TFDP2: variants seen among roughly 807,000 people sequenced by gnomAD.
TFDP2 encodes the protein transcription factor Dp-2 (E2F dimerization partner 2).
Under a neutral mutation model 59.3 loss-of-function variants are expected in TFDP2, and 17 were observed. That is an observed-to-expected ratio of 0.29 (90% CI 0.20 to 0.43). The LOEUF (loss-of-function observed/expected upper bound fraction) is 0.43, where lower values mean the gene tolerates loss of function less well. Ranked by LOEUF, TFDP2 falls within the 20% of genes least tolerant of loss-of-function variation. The probability of loss-of-function intolerance (pLI) is 1.00; values close to 1 mark genes in which losing one functional copy is unlikely to be tolerated. For synonymous variants in TFDP2, 180 were observed against 194.7 expected, an observed-to-expected ratio of 0.92 and a Z score of 0.63; for missense variants, 391 against 528.8, an observed-to-expected ratio of 0.74 and a Z score of 2.56.
chr3:142,004,440 C>T (rs1348477684), intron 4 of TFDP2, among the ~76,000 whole-genome samples: 5 of 152,058 alleles, frequency 3.3e-5, no homozygotes, highest in Admixed American at 2.0e-4. Flanking sequence ...ATGAAAACAC[C>T]GGCAATGAAG....
chr3:142,038,970 G>A (rs1946827968), intron 3 of TFDP2, among the ~76,000 whole-genome samples: 1 of 152,152 alleles, frequency 6.6e-6, no homozygotes, highest in East Asian at 1.9e-4. Flanking sequence ...CAACGGCACA[G>A]ACATGGCTAA....
intron 4 of TFDP2, among the ~76,000 whole-genome samples, chr3:142,004,382 T>C (rs1004242570): frequency 2.6e-5 from 4 of 152,236 alleles, no homozygotes; most frequent in African/African-American, 7.2e-5. Context: ...CACAGTGCTG[T>C]TGTACATTAT....
intron 2 of TFDP2, among the ~76,000 whole-genome samples, chr3:142,101,035 A>G (rs2061301173): frequency 6.6e-6 from 1 of 152,180 alleles, no homozygotes; most frequent in African/African-American, 2.4e-5. Flanking sequence ...GGAACAGTAA[A>G]GCAATTAGAC....
At position 141,973,967 on chromosome 3, in the gene TFDP2, T is replaced by C. The variant is rs527361529; in HGVS notation, c.663+81A>G. On this transcript the variant is annotated intron_variant, in intron 8 of 12. Coordinates refer to ENST00000489671, the MANE Select transcript of TFDP2 (RefSeq NM_001178139.2). ...CATGAAAAATTGGAAATATTTTATA[T>C]TAGAATTACATTTTTAAATTAAAAT... 5.5e-6 allele frequency: 8 copies of C among 1,451,368 alleles called. 1 individual carries two copies. In the South Asian group the frequency reaches 8.1e-5, roughly 15 times the overall value. 89.9% of individuals were successfully genotyped at this position (1,451,368 alleles called of 1,614,324 possible). A position where few individuals can be genotyped will look rare whatever the true frequency, so the allele number is the denominator to read the frequency against.
chr3:141,977,712 AT>A (rs201589027), intron 7 of TFDP2, among the ~76,000 whole-genome samples: 11,475 of 150,014 alleles, frequency 0.076, 521 homozygotes, highest in Non-Finnish European at 0.11. Flanking sequence ...TAGGCGACCA[AT>A]TTTTTTTTTC....
intron 3 of TFDP2, among the ~76,000 whole-genome samples, chr3:142,062,340 C>A (rs1342248604): frequency 6.6e-6 from 1 of 150,480 alleles, no homozygotes; most frequent in Non-Finnish European, 1.5e-5. Context: ...AGTGCCCCAA[C>A]CACTGCGTTG....
chr3:142,004,632 A>G (rs908644916), intron 4 of TFDP2, among the ~76,000 whole-genome samples: 3 of 152,184 alleles, frequency 2.0e-5, no homozygotes, highest in Non-Finnish European at 4.4e-5. Context: ...TTTTTCATTC[A>G]TTATTTCTAC....
chr3:142,000,475 C>T, intron 4 of TFDP2: 1 of 517,792 alleles, frequency 1.9e-6, no homozygotes. Flanking sequence ...CCTCTTAATA[C>T]CACCACAGTA....
chr3:142,010,670 A>T (rs1418898239), intron 3 of TFDP2, among the ~76,000 whole-genome samples: 1 of 151,596 alleles, frequency 6.6e-6, no homozygotes, highest in Non-Finnish European at 1.5e-5. Flanking sequence ...AAATGGGAGA[A>T]AATTTTCGCA....
intron 3 of TFDP2, among the ~76,000 whole-genome samples, chr3:142,058,896 G>A (rs965705952): frequency 1.3e-5 from 2 of 152,152 alleles, no homozygotes; most frequent in Non-Finnish European, 2.9e-5. Flanking sequence ...TCTCCCTGCT[G>A]GAAGTCAGAG....
intron 1 of TFDP2, among the ~76,000 whole-genome samples, chr3:142,128,047 T>A (rs1560173440): frequency 6.6e-6 from 1 of 151,974 alleles, no homozygotes; most frequent in Non-Finnish European, 1.5e-5. Context: ...AAAGATTTTT[T>A]AAAAAAGGCA....
chr3:141,991,450 T>A (rs930951358), intron 6 of TFDP2, among the ~76,000 whole-genome samples: 1 of 151,870 alleles, frequency 6.6e-6, no homozygotes, highest in Admixed American at 6.6e-5. Context: ...TTGACCTAAT[T>A]AGCAAAAAAG....
intron 1 of TFDP2, among the ~76,000 whole-genome samples, chr3:142,107,325 G>A (rs2061507193): frequency 6.6e-6 from 1 of 150,926 alleles, no homozygotes; most frequent in Non-Finnish European, 1.5e-5. Context: ...TCTACCTCCT[G>A]GATTCAAGCA....
chr3:141,947,985 A>C lies in TFDP2; in HGVS notation c.*4528T>G, dbSNP rs1935435675. The C allele has an allele frequency of 6.6e-6, 1 of 152,224 alleles. No individual in the cohort carries two copies. 9.4% of individuals were successfully genotyped at this position (152,224 alleles called of 1,614,324 possible). A position where few individuals can be genotyped will look rare whatever the true frequency, so the allele number is the denominator to read the frequency against. ...ATCTGCACGTGTTCCATCTGTGATCAAGTTTCCCCAATAGGAGGAGAACCC... is the reference window on the plus strand; with the variant it reads ...ATCTGCACGTGTTCCATCTGTGATCCAGTTTCCCCAATAGGAGGAGAACCC... On this transcript the variant is annotated 3_prime_UTR_variant, in exon 13 of 13. Coordinates refer to ENST00000489671, the MANE Select transcript of TFDP2 (RefSeq NM_001178139.2).
chr3:142,064,082 T>G (rs568833711), intron 3 of TFDP2, among the ~76,000 whole-genome samples: 6 of 152,184 alleles, frequency 3.9e-5, no homozygotes, highest in African/African-American at 1.4e-4. Flanking sequence ...GCTATCCAAG[T>G]AGCTGGGACT....
chr3:142,032,877 C>T (rs970579965), intron 3 of TFDP2, among the ~76,000 whole-genome samples: 18 of 152,122 alleles, frequency 1.2e-4, no homozygotes, highest in Non-Finnish European at 2.4e-4. Context: ...CCATATGTGG[C>T]CATTTAAATT....
intron 3 of TFDP2, among the ~76,000 whole-genome samples, chr3:142,015,710 C>T (rs568528162): frequency 6.6e-6 from 1 of 152,320 alleles, no homozygotes; most frequent in South Asian, 2.1e-4. Context: ...TCTAATACAG[C>T]ACTCACTAGA....
chr3:141,966,916 T>TAAAA lies in TFDP2; in HGVS notation c.733-2957_733-2954dup, dbSNP rs10668338. ...TAGCCACAGCAAATGGATTACTTATTAAAAAAAAAAAAAAAAAAAAGACAG... is the reference window on the plus strand; with the variant it reads ...TAGCCACAGCAAATGGATTACTTATTAAAAAAAAAAAAAAAAAAAAAAAAGACAG... On this transcript the variant is annotated intron_variant, in intron 9 of 12. Transcript: ENST00000489671. Among the ~76,000 whole-genome samples the TAAAA allele has an allele frequency of 2.8e-3, 334 of 120,716 alleles. 10 individuals carry two copies. The highest frequency in any genetic ancestry group is 9.4e-3 in the African/African-American group (290 of 30,964). 79.2% of individuals were successfully genotyped at this position (120,716 alleles called of 152,430 possible).
At chr3:142,060,604 A>G (rs1330698400) in intron 3 of TFDP2, among the ~76,000 whole-genome samples, 2 of 152,172 alleles carry the variant, frequency 1.3e-5, no homozygotes, top group Non-Finnish European at 2.9e-5. Context: ...TTATACTTAA[A>G]TATATAAAAA....
Sources: allele counts gnomAD v4.1 joint callset (sites outside exome capture counted in the v4.1 genomes callset), GRCh38; gene constraint gnomAD v4.1.1; transcripts MANE v1.5; gene names NCBI Gene and HGNC (gene_info 2026-07-23, HGNC 2026-07-21).